Variants in FAM177B observed in about 807,000 individuals in gnomAD.
FAM177B encodes the protein family with sequence similarity 177 member B, also known as protein FAM177B.
A neutral mutation model predicts 16.1 loss-of-function variants in FAM177B; 16 were observed. The ratio of observed to expected loss-of-function variants is 0.99; its 90% CI spans 0.67 to 1.51. The LOEUF (loss-of-function observed/expected upper bound fraction) is 1.51, where lower values mean the gene tolerates loss of function less well. Among genes scored for constraint, FAM177B ranks in the 40% most tolerant of loss-of-function variants. The probability of loss-of-function intolerance (pLI) is 0.00; values close to 1 mark genes in which losing one functional copy is unlikely to be tolerated. For missense variants in FAM177B, 178 were observed against 183.7 expected (o/e 0.97, Z 0.18); for synonymous variants, 56 against 59.9 (o/e 0.93, Z 0.30).
chr1:222,750,557 A>G lies in FAM177B; in HGVS notation c.*499A>G. 1 of 982,854 alleles carries G rather than the reference A, an allele frequency of 1.0e-6. No homozygotes were observed. The highest frequency in any genetic ancestry group is 1.2e-6 in the Non-Finnish European group (1 of 827,506). The allele number at this position is 982,854 out of a possible 1,614,324, so 60.9% of individuals were successfully genotyped here. A position where few individuals can be genotyped will look rare whatever the true frequency, so the allele number is the denominator to read the frequency against. On this transcript the variant is annotated 3_prime_UTR_variant, in exon 6 of 6. Coordinates refer to ENST00000445590, the MANE Select transcript of FAM177B (RefSeq NM_001394345.1). ...GCGTAGTTGGGGATTGTTTTACAAT[A>G]AGTAAACATTGCTAATAACTGTGTT...
At chr1:222,740,783 T>C (rs1572003364) in intron 2 of FAM177B, among the ~76,000 whole-genome samples, 1 of 152,274 alleles carries the variant, frequency 6.6e-6, no homozygotes, top group Non-Finnish European at 1.5e-5. Flanking sequence ...CACTGCAAGC[T>C]CGGCCTCCCG....
At chr1:222,748,658 T>C (rs1658908643) in intron 4 of FAM177B, among the ~76,000 whole-genome samples, 1 of 152,214 alleles carries the variant, frequency 6.6e-6, no homozygotes, top group Admixed American at 6.5e-5. Context: ...TTTATTTTAA[T>C]ATTTTTTTAA....
At position 222,737,707 on chromosome 1, in the gene FAM177B, A is replaced by G. The variant is rs929716976; in HGVS notation, c.-133-197A>G. On this transcript the variant is annotated intron_variant, in intron 1 of 5. Coordinates refer to ENST00000445590, the MANE Select transcript of FAM177B (RefSeq NM_001394345.1). ...GAACCCACTGGAGAGTTTTAAGCAA[A>G]GACATGACATGGTCTCACTTAGGAT... is the stretch of plus-strand genomic sequence containing the variant. 6.6e-5 allele frequency among the ~76,000 whole-genome samples: 10 copies of G among 152,170 alleles called. No individual in the cohort carries two copies. In the East Asian group the frequency reaches 1.9e-3, roughly 29 times the overall value.
chr1:222,749,808 A>T, intron 5 of FAM177B, 113 bp from the exon 6 acceptor site: 1 of 1,144,368 alleles, frequency 8.7e-7, no homozygotes, highest in Non-Finnish European at 1.3e-6. Context: ...TTGGGTGAGA[A>T]GGCTCAGATT....
intron 2 of FAM177B, among the ~76,000 whole-genome samples, chr1:222,746,148 G>A (rs1658785554): frequency 6.6e-6 from 1 of 152,024 alleles, no homozygotes; most frequent in Non-Finnish European, 1.5e-5. Flanking sequence ...TATATACTTT[G>A]CACATGTTTT....
At chr1:222,744,819 T>A (rs1420093593) in intron 2 of FAM177B, among the ~76,000 whole-genome samples, 3 of 152,180 alleles carry the variant, frequency 2.0e-5, no homozygotes, top group Non-Finnish European at 4.4e-5. Context: ...ATGAACTAAT[T>A]TTAAGTGTAG....
chr1:222,747,020 A>G lies in FAM177B; in HGVS notation c.180A>G (p.Lys60=). 6.2e-7 allele frequency: 1 copy of G among 1,608,076 alleles called. No homozygotes were observed. Among genetic ancestry groups the G allele is most frequent in the Non-Finnish European group, 8.5e-7 (1 of 1,174,522 alleles). Residue 60 remains lysine, a synonymous_variant, in exon 4 of 6, where the codon AAA becomes AAG. Transcript: ENST00000445590. The part of the protein sequence containing the change: ...QSTNSTLDPS[K]LSWGPYLRFW... ...TCAATTTCTCCTTTTTTCAGTCTAA[A>G]CTTTCCTGGGGGCCCTACCTACGAT... is the stretch of plus-strand genomic sequence containing the variant.
chr1:222,746,511 C>A lies in FAM177B; in HGVS notation c.-15-20C>A. ...GCTCTGGGTAACTTGCCCTAAGGTG[C>A]CCTGTTTTTAATTTTCTAGTTGTTT... On this transcript the variant is annotated intron_variant, in intron 2 of 5. Coordinates refer to ENST00000445590, the MANE Select transcript of FAM177B (RefSeq NM_001394345.1). 1 of 1,415,348 alleles carries A rather than the reference C, an allele frequency of 7.1e-7. No homozygotes were observed. Among genetic ancestry groups the A allele is most frequent in the Non-Finnish European group, 9.8e-7 (1 of 1,025,066 alleles). 87.7% of individuals were successfully genotyped at this position (1,415,348 alleles called of 1,614,324 possible).
In FAM177B at chr1:222,738,011, G is replaced by A. The variant is rs1658357708; in HGVS notation, c.-26G>A. 1 of 152,264 alleles carries A rather than the reference G, an allele frequency of 6.6e-6. No homozygotes were observed. The highest frequency in any genetic ancestry group is 2.1e-4 in the South Asian group (1 of 4,832). The allele number at this position is 152,264 out of a possible 1,614,324, so 9.4% of individuals were successfully genotyped here. On this transcript the variant is annotated 5_prime_UTR_variant, in exon 2 of 6. Coordinates refer to ENST00000445590, the MANE Select transcript of FAM177B (RefSeq NM_001394345.1). ...ATTTATTGAGATGAGAAGGCTGCCAGAAGAGTAGAGGTAAATGTGTGAGTA... is the reference window on the plus strand; with the variant it reads ...ATTTATTGAGATGAGAAGGCTGCCAAAAGAGTAGAGGTAAATGTGTGAGTA...
At chr1:222,745,645 C>T (rs147003800) in intron 2 of FAM177B, among the ~76,000 whole-genome samples, 30 of 149,844 alleles carry the variant, frequency 2.0e-4, no homozygotes, top group African/African-American at 3.4e-4. Flanking sequence ...TTTTAGGCTG[C>T]GCACAGTGGC....
At chr1:222,738,715 C>T (rs555824097) in intron 2 of FAM177B, among the ~76,000 whole-genome samples, 1 of 152,108 alleles carries the variant, frequency 6.6e-6, no homozygotes, top group East Asian at 1.9e-4. Context: ...AGATCACTTA[C>T]AAAATACCGA....
Position 222,750,228 on chromosome 1 carries a change from A to G in FAM177B, c.*170A>G. 3 of 1,416,060 alleles carry G rather than the reference A, an allele frequency of 2.1e-6. No homozygotes were observed. Among genetic ancestry groups the G allele is most frequent in the Non-Finnish European group, 2.8e-6 (3 of 1,089,058 alleles). 87.7% of individuals were successfully genotyped at this position (1,416,060 alleles called of 1,614,324 possible). A position where few individuals can be genotyped will look rare whatever the true frequency, so the allele number is the denominator to read the frequency against. On this transcript the variant is annotated 3_prime_UTR_variant, in exon 6 of 6. Transcript: ENST00000445590. ...ATCTCTGTGTGACTTAGTCTCAAGCATCCAGGAATTACAAGCAATAATGAG... is the reference window on the plus strand; with the variant it reads ...ATCTCTGTGTGACTTAGTCTCAAGCGTCCAGGAATTACAAGCAATAATGAG...
chr1:222,746,101 G>T (rs1019575787), intron 2 of FAM177B, among the ~76,000 whole-genome samples: 2 of 151,938 alleles, frequency 1.3e-5, no homozygotes, highest in Non-Finnish European at 2.9e-5. Context: ...AATTGTAATC[G>T]CTCTTTACAT....
chr1:222,749,959 C>G lies in FAM177B; in HGVS notation c.378C>G (p.Ala126=). 6.2e-7 allele frequency: 1 copy of G among 1,614,002 alleles called. No homozygotes were observed. Among genetic ancestry groups the G allele is most frequent in the Non-Finnish European group, 8.5e-7 (1 of 1,179,936 alleles). Residue 126 remains alanine, a synonymous_variant, in exon 6 of 6, where the codon GCC becomes GCG. Coordinates refer to ENST00000445590, the MANE Select transcript of FAM177B (RefSeq NM_001394345.1). ...DNKSERRGSK[A]QAAEVPNEKC... ...AAAGTGAAAGGAGAGGATCAAAGGC[C>G]CAGGCAGCTGAGGTTCCTAATGAAA...
At chr1:222,749,632 A>G in intron 5 of FAM177B, 70 bp downstream of exon 5, 2 of 918,354 alleles carry the variant, frequency 2.2e-6, no homozygotes, top group East Asian at 2.4e-5. Context: ...TTAGGCCAGT[A>G]TAGAGAAGTA....
At chr1:222,737,743 T>G (rs1003678083) in intron 1 of FAM177B, 161 bp from the exon 2 acceptor site, 2 of 152,256 alleles carry the variant, frequency 1.3e-5, no homozygotes, top group East Asian at 3.8e-4. Context: ...TTAACAATTC[T>G]GGCTCCTTTT....
At chr1:222,747,147 T>G in intron 4 of FAM177B, 66 bp downstream of exon 4, 1 of 1,064,068 alleles carries the variant, frequency 9.4e-7, no homozygotes, top group Non-Finnish European at 1.5e-6. Context: ...GCCCTCAGAG[T>G]ATGTGGGACT....
At chr1:222,749,846 C>T (rs1572014204) in intron 5 of FAM177B, 75 bp from the exon 6 acceptor site, 5 of 1,439,726 alleles carry the variant, frequency 3.5e-6, no homozygotes, top group Admixed American at 3.5e-5. Flanking sequence ...CTTACATGGG[C>T]ATTATATACA....
intron 2 of FAM177B, 122 bp from the exon 3 acceptor site, chr1:222,746,409 A>T: frequency 2.0e-6 from 1 of 507,286 alleles, no homozygotes; most frequent in South Asian, 4.3e-5. Flanking sequence ...GATTTGAGGA[A>T]TCGATGAGGT....
Sources: gnomAD v4.1 joint callset for allele counts (sites outside exome capture counted in the v4.1 genomes callset) on GRCh38, gnomAD v4.1.1 for gene constraint, MANE v1.5 for transcripts, NCBI Gene and HGNC (gene_info 2026-07-23, HGNC 2026-07-21) for gene names.